The following KLRD1 variants were observed in gnomAD, a reference collection of about 807,000 sequenced individuals.
The protein encoded by KLRD1 is killer cell lectin like receptor D1.
Under a neutral mutation model 22.6 loss-of-function variants are expected in KLRD1, and 21 were observed. The observed-to-expected ratio is 0.93, with a 90% CI of 0.66 to 1.34. The LOEUF is 1.34. Among genes scored for constraint, KLRD1 ranks in the 40% most tolerant of loss-of-function variants. KLRD1 has a pLI of 0.00. For missense variants in KLRD1, 183 were observed against 208.6 expected (o/e 0.88, Z 0.76); for synonymous variants, 59 against 71.1 (o/e 0.83, Z 0.85).
At chr12:10,298,627 T>C (rs1220698099) in intron 1 of KLRD1, among the ~76,000 whole-genome samples, 2 of 152,242 alleles carry the variant, frequency 1.3e-5, no homozygotes, top group Admixed American at 1.3e-4. Context: ...AAGGAATACC[T>C]GGCCCACCCA....
intron 1 of KLRD1, among the ~76,000 whole-genome samples, chr12:10,287,353 C>T (rs1338966176): frequency 6.6e-6 from 1 of 152,024 alleles, no homozygotes; most frequent in Non-Finnish European, 1.5e-5. Flanking sequence ...CAAATACATG[C>T]ATATATACAA....
Position 10,327,202 on chromosome 12 carries a change from A to G in KLRD1, c.*12409A>G, listed in dbSNP as rs997887792. ...CCTGCCACCCAAAGACCGTTTAACC[A>G]TATTTGCAAAGTTTATTCCCAAGTT... On this transcript the variant is annotated 3_prime_UTR_variant, in exon 6 of 6. Coordinates refer to ENST00000336164, the MANE Select transcript of KLRD1 (RefSeq NM_002262.5). 1.3e-5 allele frequency: 2 copies of G among 152,210 alleles called. No individual in the cohort carries two copies. The highest frequency in any genetic ancestry group is 1.9e-4 in the East Asian group (1 of 5,204). The allele number at this position is 152,210 out of a possible 1,614,324, so 9.4% of individuals were successfully genotyped here. A position where few individuals can be genotyped will look rare whatever the true frequency, so the allele number is the denominator to read the frequency against.
At chr12:10,258,623 G>A (rs1018445187) in intron 1 of KLRD1, among the ~76,000 whole-genome samples, 6 of 152,018 alleles carry the variant, frequency 3.9e-5, no homozygotes, top group East Asian at 1.9e-4. Context: ...TGAAAAAATC[G>A]GAAGAATCAA....
chr12:10,294,731 C>T (rs1048147829), intron 1 of KLRD1, among the ~76,000 whole-genome samples: 6 of 152,146 alleles, frequency 3.9e-5, no homozygotes, highest in Admixed American at 2.6e-4. Flanking sequence ...GTTGGACCCA[C>T]TCTGATATCC....
chr12:10,261,905 A>G (rs1343085884), intron 1 of KLRD1, among the ~76,000 whole-genome samples: 1 of 152,140 alleles, frequency 6.6e-6, no homozygotes, highest in Non-Finnish European at 1.5e-5. Flanking sequence ...ATCAACAAAT[A>G]TTAGCTCTTT....
At position 10,324,818 on chromosome 12, in the gene KLRD1, G is replaced by GTATATATATA. The variant is rs1555113906; in HGVS notation, c.*10041_*10050dup. The GTATATATATA allele has an allele frequency of 0.032, 2,336 of 74,074 alleles. 92 individuals carry two copies. Among genetic ancestry groups the GTATATATATA allele is most frequent in the African/African-American group, 0.056 (1,311 of 23,530 alleles). The allele number at this position is 74,074 out of a possible 1,614,324, so 4.6% of individuals were successfully genotyped here. ...AGTATATATGTATATGTGTGTGTGT[G>GTATATATATA]TATATATATATATATATATATATAT... On this transcript the variant is annotated 3_prime_UTR_variant, in exon 6 of 6. Transcript: ENST00000336164.
chr12:10,256,129 C>A (rs1949393018), intron 1 of KLRD1, among the ~76,000 whole-genome samples: 1 of 151,824 alleles, frequency 6.6e-6, no homozygotes, highest in African/African-American at 2.4e-5. Context: ...GTATGGCCAT[C>A]CCAATTTCTT....
rs1316462302 is a variant in KLRD1, at chr12:10,317,461, C to T, written c.*2668C>T. On this transcript the variant is annotated 3_prime_UTR_variant, in exon 6 of 6. Coordinates refer to ENST00000336164, the MANE Select transcript of KLRD1 (RefSeq NM_002262.5). ...ACTATTACCAGACACCTGCAAGTTA[C>T]CTCACCGCAACCTTGGCATTATCAG... The T allele has an allele frequency of 6.6e-6, 1 of 152,188 alleles. No homozygotes were observed. The highest frequency in any genetic ancestry group is 1.5e-5 in the Non-Finnish European group (1 of 68,078). The allele number at this position is 152,188 out of a possible 1,614,324, so 9.4% of individuals were successfully genotyped here.
At chr12:10,281,494 G>A (rs1949642020) in intron 1 of KLRD1, among the ~76,000 whole-genome samples, 1 of 152,130 alleles carries the variant, frequency 6.6e-6, no homozygotes, top group African/African-American at 2.4e-5. Context: ...TTGAGGGTGA[G>A]GAAGAATCAA....
intron 1 of KLRD1, among the ~76,000 whole-genome samples, chr12:10,251,297 G>C (rs535354640): frequency 3.8e-4 from 58 of 152,100 alleles, no homozygotes; most frequent in Non-Finnish European, 6.8e-4. Flanking sequence ...GCTAGTTTTT[G>C]TATTTTTAGT....
chr12:10,314,646 A>G (rs766370541), intron 5 of KLRD1, 27 bp from the exon 6 acceptor site: 2 of 1,530,780 alleles, frequency 1.3e-6, no homozygotes, highest in Admixed American at 4.5e-5. Flanking sequence ...CTTTTTGTGT[A>G]TGTGAACATT....
chr12:10,257,969 C>T (rs1949415508), intron 1 of KLRD1, among the ~76,000 whole-genome samples: 1 of 152,012 alleles, frequency 6.6e-6, no homozygotes, highest in African/African-American at 2.4e-5. Flanking sequence ...TTTCCTGGGT[C>T]TTTGTGTGGC....
intron 1 of KLRD1, among the ~76,000 whole-genome samples, chr12:10,285,667 T>C (rs1157379552): frequency 6.6e-6 from 1 of 152,196 alleles, no homozygotes; most frequent in East Asian, 1.9e-4. Flanking sequence ...CTAAGCACAT[T>C]ATCCGAAGAA....
At chr12:10,308,131 T>C (rs1458975064) in intron 1 of KLRD1, 47 bp downstream of exon 1, 1 of 1,555,232 alleles carries the variant, frequency 6.4e-7, no homozygotes, top group Admixed American at 1.7e-5. Context: ...AGAAAAGCTA[T>C]TTCTTGGATT....
chr12:10,316,270 G>GCAGGTGTACACTAGGCCA lies in KLRD1; in HGVS notation c.*1479_*1496dup, dbSNP rs1454753410. On this transcript the variant is annotated 3_prime_UTR_variant, in exon 6 of 6. Coordinates refer to ENST00000336164, the MANE Select transcript of KLRD1 (RefSeq NM_002262.5). ...CTCAAACAAAAGGGGAAGGGATTAT[G>GCAGGTGTACACTAGGCCA]CAGGTGTACACTAGGCCACTGGTGT... 1.3e-5 allele frequency: 2 copies of GCAGGTGTACACTAGGCCA among 152,128 alleles called. No homozygotes were observed. Among genetic ancestry groups the GCAGGTGTACACTAGGCCA allele is most frequent in the Non-Finnish European group, 2.9e-5 (2 of 68,022 alleles). 9.4% of individuals were successfully genotyped at this position (152,128 alleles called of 1,614,324 possible). A position where few individuals can be genotyped will look rare whatever the true frequency, so the allele number is the denominator to read the frequency against.
chr12:10,308,183 T>C (rs1949968603), intron 1 of KLRD1, 99 bp downstream of exon 1: 1 of 982,044 alleles, frequency 1.0e-6, no homozygotes, highest in Admixed American at 1.8e-5. Context: ...AGGACATGAT[T>C]AACAGTGGAT....
At chr12:10,251,842 G>A (rs1158926071) in intron 1 of KLRD1, among the ~76,000 whole-genome samples, 1 of 152,126 alleles carries the variant, frequency 6.6e-6, no homozygotes, top group Non-Finnish European at 1.5e-5. Context: ...GACCTGACAG[G>A]AAGCAGAGCT....
chr12:10,246,231 A>G (rs531305678), intron 1 of KLRD1, among the ~76,000 whole-genome samples: 2 of 152,152 alleles, frequency 1.3e-5, no homozygotes, highest in Non-Finnish European at 2.9e-5. Flanking sequence ...ACTTGTCACT[A>G]TAGTCTGAAT....
intron 1 of KLRD1, among the ~76,000 whole-genome samples, chr12:10,277,988 C>T (rs1949606960): frequency 6.6e-6 from 1 of 152,174 alleles, no homozygotes; most frequent in African/African-American, 2.4e-5. Flanking sequence ...CTGGATTTAT[C>T]GTTATTCTGG....
Sources: allele counts gnomAD v4.1 joint callset (sites outside exome capture counted in the v4.1 genomes callset), GRCh38; gene constraint gnomAD v4.1.1; transcripts MANE v1.5; gene names NCBI Gene and HGNC (gene_info 2026-07-23, HGNC 2026-07-21).